PIK3R3: variants seen among roughly 807,000 people sequenced by gnomAD.
The protein encoded by PIK3R3 is phosphatidylinositol 3-kinase regulatory subunit gamma.
Under a neutral mutation model 62.9 loss-of-function variants are expected in PIK3R3, and 64 were observed. That is an observed-to-expected ratio of 1.02 (90% confidence interval 0.83 to 1.25). The LOEUF (loss-of-function observed/expected upper bound fraction) is 1.25. PIK3R3 is among the 50% of genes most tolerant of loss of function. The pLI, the probability that PIK3R3 is intolerant of heterozygous loss-of-function variation, is 0.00. For synonymous variants in PIK3R3, 165 were observed against 189.0 expected, an observed-to-expected ratio of 0.87 and a Z score of 1.04; for missense variants, 614 against 561.6, an observed-to-expected ratio of 1.09 and a Z score of -0.94.
rs747806055 is a variant in PIK3R3 at position 46,066,082 on chromosome 1, A to T, written c.593T>A (p.Leu198Gln). 1 of 1,608,756 alleles carries T rather than the reference A, an allele frequency of 6.2e-7. No individual in the cohort carries two copies. The highest frequency in any genetic ancestry group is 2.2e-5 in the East Asian group (1 of 44,702). ...GGATGTTCTAGTATATTCTTCATAC[A>T]GCCTATCATACTCTTTACTCTTCTC... ...YQEKSKEYDR[L>Q]YEEYTRTSQE... Residue 198 changes from leucine to glutamine, a missense_variant, in exon 5 of 10, where the codon CTG becomes CAG. Physicochemically the swap from Leu to Gln is moderately radical, Grantham distance 113. Transcript: ENST00000262741.
At chr1:46,055,460 T>C (rs1557559437) in intron 7 of PIK3R3, among the ~76,000 whole-genome samples, 1 of 152,186 alleles carries the variant, frequency 6.6e-6, no homozygotes, top group Non-Finnish European at 1.5e-5. Flanking sequence ...TCAGTTCTAG[T>C]ATGTAAACAA....
upstream of PIK3R3, chr1:46,132,722 GC>G (rs1422909905): frequency 2.3e-6 from 3 of 1,288,400 alleles, no homozygotes; most frequent in African/African-American, 4.6e-5. Flanking sequence ...ACCCAACCGC[GC>G]CGGGAGGGGG....
chr1:46,152,434 C>G, the PIK3R3 span, among the ~76,000 whole-genome samples: 1 of 152,264 alleles, frequency 6.6e-6, no homozygotes, highest in South Asian at 2.1e-4. Flanking sequence ...CTTCACCTCT[C>G]CCCCAATAAC....
At chr1:46,165,751 C>CTTTTTTTTTTTTTTTTTTTTTTT in the PIK3R3 span, among the ~76,000 whole-genome samples, 2 of 39,554 alleles carry the variant, frequency 5.1e-5, 1 homozygote, top group Non-Finnish European at 9.1e-5. Context: ...CTGCTTTGTC[C>CTTTTTTTTTTTTTTTTTTTTTTT]TTTTTTTTTT....
intron 6 of PIK3R3, 144 bp downstream of exon 6, chr1:46,061,785 T>C (rs1648511289): frequency 1.3e-6 from 1 of 746,614 alleles, no homozygotes. Flanking sequence ...GAAGTTCAAT[T>C]TGGTGCCATT....
the PIK3R3 span, among the ~76,000 whole-genome samples, chr1:46,162,533 T>C: frequency 6.6e-6 from 1 of 152,148 alleles, no homozygotes; most frequent in Non-Finnish European, 1.5e-5. Context: ...GGTATAATAT[T>C]AATAATGTAA....
At chr1:46,147,276 G>A in the PIK3R3 span, among the ~76,000 whole-genome samples, 2 of 151,968 alleles carry the variant, frequency 1.3e-5, no homozygotes, top group African/African-American at 2.4e-5. Flanking sequence ...GCTAATTTTT[G>A]TATTTTTAGT....
chr1:46,046,899 C>A (rs1463285390), intron 7 of PIK3R3: 4 of 515,648 alleles, frequency 7.8e-6, no homozygotes, highest in Non-Finnish European at 1.4e-5. Flanking sequence ...GAGGATGTGC[C>A]ACCACAAGCA....
chr1:46,103,281 G>T (rs1652884023), intron 1 of PIK3R3, among the ~76,000 whole-genome samples: 1 of 152,126 alleles, frequency 6.6e-6, no homozygotes, highest in Non-Finnish European at 1.5e-5. Context: ...CAATACACTT[G>T]AAAATGGTTA....
the PIK3R3 span, among the ~76,000 whole-genome samples, chr1:46,141,228 C>A: frequency 6.6e-6 from 1 of 151,762 alleles, no homozygotes; most frequent in Non-Finnish European, 1.5e-5. Context: ...ATGATACAAC[C>A]ACCATAATTT....
At chr1:46,136,879 T>G (rs547920281), upstream of PIK3R3, among the ~76,000 whole-genome samples, 8 of 152,248 alleles carry the variant, frequency 5.3e-5, no homozygotes, top group South Asian at 1.5e-3. Flanking sequence ...GCAACAGATT[T>G]CAGCTCAGCT....
At chr1:46,134,167 C>G (rs1426916350), upstream of PIK3R3, among the ~76,000 whole-genome samples, 1 of 152,158 alleles carries the variant, frequency 6.6e-6, no homozygotes, top group African/African-American at 2.4e-5. Flanking sequence ...GTAACAAAGC[C>G]CATTGTGTTT....
chr1:46,093,000 A>G (rs1195642503), intron 1 of PIK3R3, among the ~76,000 whole-genome samples: 2 of 152,216 alleles, frequency 1.3e-5, no homozygotes, highest in Non-Finnish European at 2.9e-5. Context: ...AATGGTCTCC[A>G]ACCATAAGTG....
intron 1 of PIK3R3, among the ~76,000 whole-genome samples, chr1:46,112,183 G>GT (rs1653800932): frequency 6.6e-6 from 1 of 152,042 alleles, no homozygotes; most frequent in African/African-American, 2.4e-5. Flanking sequence ...ATTGTTTTTG[G>GT]TTTTTTATAA....
chr1:46,149,711 A>C, the PIK3R3 span, among the ~76,000 whole-genome samples: 1 of 152,002 alleles, frequency 6.6e-6, no homozygotes, highest in African/African-American at 2.4e-5. Flanking sequence ...TTGTACTTTT[A>C]GCAGAGGCGG....
At chr1:46,137,251 A>C (rs1655964191), upstream of PIK3R3, among the ~76,000 whole-genome samples, 1 of 152,226 alleles carries the variant, frequency 6.6e-6, no homozygotes, top group Non-Finnish European at 1.5e-5. Context: ...AAGATACAAA[A>C]GTGAATAAGA....
At chr1:46,080,892 G>A in intron 1 of PIK3R3, 142 bp from the exon 2 acceptor site, 1 of 583,544 alleles carries the variant, frequency 1.7e-6, no homozygotes, top group Non-Finnish European at 3.0e-6. Flanking sequence ...TTAAATGTTA[G>A]CAACAGAAGG....
chr1:46,049,303 T>A (rs1412079973), intron 7 of PIK3R3, among the ~76,000 whole-genome samples: 2 of 152,226 alleles, frequency 1.3e-5, no homozygotes, highest in Admixed American at 6.5e-5. Context: ...CTAATTGGTT[T>A]TACAGCCCAA....
At chr1:46,120,122 C>G (rs1256585710) in intron 1 of PIK3R3, among the ~76,000 whole-genome samples, 3 of 152,160 alleles carry the variant, frequency 2.0e-5, no homozygotes, top group Non-Finnish European at 4.4e-5. Context: ...CACTCATTTA[C>G]TTGCTACACT....
Sources: allele counts gnomAD v4.1 joint callset (sites outside exome capture counted in the v4.1 genomes callset), GRCh38; gene constraint gnomAD v4.1.1; transcripts MANE v1.5; gene names NCBI Gene and HGNC (gene_info 2026-07-23, HGNC 2026-07-21).